Variants in ABR observed in about 807,000 individuals in gnomAD.
The protein encoded by ABR is active breakpoint cluster region-related protein.
ABR carries 35 observed loss-of-function variants against 107.2 expected under a neutral mutation model. That is an observed-to-expected ratio of 0.33 (90% CI 0.25 to 0.43). ABR has a LOEUF of 0.43. ABR is among the 20% of genes least tolerant of loss of function. ABR has a pLI of 1.00. For synonymous variants in ABR, 498 were observed against 462.0 expected, an observed-to-expected ratio of 1.08 and a Z score of -1.00; for missense variants, 815 against 1,115.2, an observed-to-expected ratio of 0.73 and a Z score of 3.83.
At chr17:1,036,374 G>A (rs572524043) in intron 16 of ABR, among the ~76,000 whole-genome samples, 27 of 152,294 alleles carry the variant, frequency 1.8e-4, no homozygotes, top group Admixed American at 1.6e-3. Context: ...TGTGGCTCAG[G>A]TCTGCCAAGA....
chr17:1,098,569 A>G (rs2037645868), intron 3 of ABR, among the ~76,000 whole-genome samples: 1 of 152,158 alleles, frequency 6.6e-6, no homozygotes, highest in Admixed American at 6.5e-5. Flanking sequence ...TTCACAACCC[A>G]CTGTACTGAT....
intron 1 of ABR, among the ~76,000 whole-genome samples, chr17:1,202,889 C>CTTT (rs11403936): frequency 0.24 from 34,802 of 144,830 alleles, 5,003 homozygotes; most frequent in Non-Finnish European, 0.32. Context: ...TTTGCCATTA[C>CTTT]TTTTTTTTTT....
chr17:1,052,272 T>C (rs7220091), intron 14 of ABR, among the ~76,000 whole-genome samples: 102,926 of 150,540 alleles, frequency 0.68, 35,591 homozygotes, highest in East Asian at 0.84. Context: ...GCCTGTGTGT[T>C]TGAGACGGGC....
intron 16 of ABR, among the ~76,000 whole-genome samples, chr17:1,042,176 GGACA>G (rs10531340): frequency 0.19 from 28,547 of 152,052 alleles, 2,871 homozygotes; most frequent in Middle Eastern, 0.29. Flanking sequence ...ATGGACGGAC[GGACA>G]GACGGATAAA....
rs565050148 is a variant in ABR, at chr17:1,173,376, C to A, written c.61+6291G>T. On this transcript the variant is annotated intron_variant, in intron 1 of 22. Coordinates refer to ENST00000302538, the MANE Select transcript of ABR (RefSeq NM_021962.5). ...CTCAACACATCACCTCAGCCCACCC[C>A]CCACACATCACCAACACCCGCCACC... Among the ~76,000 whole-genome samples, 9 of 142,360 alleles carry A rather than the reference C, an allele frequency of 6.3e-5. No homozygotes were observed. The South Asian group carries it at 6.7e-4, about 11-fold the overall frequency. The allele number at this position is 142,360 out of a possible 152,430, so 93.4% of individuals were successfully genotyped here.
At chr17:1,031,542 AG>A in intron 16 of ABR, 2 of 99,052 alleles carry the variant, frequency 2.0e-5, no homozygotes, top group Non-Finnish European at 4.0e-5. Context: ...CAGCCCCCCG[AG>A]CCCCGCAGCG....
At chr17:1,198,439 G>A (rs1011654107) in intron 1 of ABR, among the ~76,000 whole-genome samples, 1 of 151,450 alleles carries the variant, frequency 6.6e-6, no homozygotes, top group African/African-American at 2.4e-5. Flanking sequence ...GCCTGATTCT[G>A]CAATCAAAGC....
chr17:1,094,398 TCTCA>T (rs1262949541), intron 3 of ABR, among the ~76,000 whole-genome samples: 1 of 145,480 alleles, frequency 6.9e-6, no homozygotes, highest in Non-Finnish European at 1.5e-5. Context: ...TGAGACAGAG[TCTCA>T]CTCTGTCACC....
At chr17:1,059,650 C>T (rs1054706434) in intron 10 of ABR, among the ~76,000 whole-genome samples, 2 of 152,178 alleles carry the variant, frequency 1.3e-5, no homozygotes, top group Non-Finnish European at 2.9e-5. Context: ...TCATCCTCTG[C>T]GGGCAGAGCC....
intron 1 of ABR, among the ~76,000 whole-genome samples, chr17:1,197,299 C>T (rs2042588788): frequency 6.6e-6 from 1 of 151,678 alleles, no homozygotes; most frequent in African/African-American, 2.4e-5. Flanking sequence ...CTGGAGCCAC[C>T]TCCACTTAAT....
chr17:1,075,620 A>G (rs2035636711), intron 6 of ABR, among the ~76,000 whole-genome samples: 3 of 152,142 alleles, frequency 2.0e-5, no homozygotes, highest in Non-Finnish European at 4.4e-5. Context: ...CTCAACCCAA[A>G]TCTCTGCAAG....
At chr17:1,149,107 G>T (rs966156788) in intron 1 of ABR, among the ~76,000 whole-genome samples, 1 of 152,016 alleles carries the variant, frequency 6.6e-6, no homozygotes, top group Non-Finnish European at 1.5e-5. Context: ...GTTTCACCGT[G>T]TTAGCCGGGA....
At chr17:1,098,385 C>T (rs2037628230) in intron 3 of ABR, among the ~76,000 whole-genome samples, 1 of 152,104 alleles carries the variant, frequency 6.6e-6, no homozygotes, top group Non-Finnish European at 1.5e-5. Flanking sequence ...CCAAAGCCAG[C>T]AGTTTTCAAA....
chr17:1,014,542 A>G (rs1369014670), intron 16 of ABR, among the ~76,000 whole-genome samples: 1 of 151,792 alleles, frequency 6.6e-6, no homozygotes, highest in Non-Finnish European at 1.5e-5. Context: ...CTCAAAATTC[A>G]ATATTAAGAA....
intron 16 of ABR, among the ~76,000 whole-genome samples, chr17:1,034,523 G>T (rs1031987897): frequency 6.6e-6 from 1 of 152,164 alleles, no homozygotes. Flanking sequence ...AAAATGCCAC[G>T]AACATCGAGA....
Position 1,084,806 on chromosome 17 carries a change from CCT to C in ABR, c.532-1181_532-1180del, listed in dbSNP as rs1491187098. 2.0e-5 allele frequency among the ~76,000 whole-genome samples: 3 copies of C among 152,076 alleles called. No homozygotes were observed. The highest frequency in any genetic ancestry group is 1.3e-4 in the Admixed American group (2 of 15,270). On this transcript the variant is annotated intron_variant, in intron 4 of 22. Transcript: ENST00000302538. The surrounding 1 kb of genome is among the most constrained non-coding windows in gnomAD (Gnocchi z 4.2). ...CAAGCATATGGGGAAATTTAAACTC[CCT>C]GTTTTTGTTTTTGTTTTGAGATGGA...
At chr17:1,032,513 CA>C (rs2072882905) in intron 16 of ABR, among the ~76,000 whole-genome samples, 1 of 152,034 alleles carries the variant, frequency 6.6e-6, no homozygotes, top group African/African-American at 2.4e-5. Context: ...TGCACCTCAC[CA>C]AAAAAGGTTT....
intron 1 of ABR, among the ~76,000 whole-genome samples, chr17:1,165,576 G>A (rs1303819645): frequency 6.6e-6 from 1 of 152,204 alleles, no homozygotes; most frequent in Non-Finnish European, 1.5e-5. Flanking sequence ...TTGTTGCCCA[G>A]GCTGGAGTGC....
chr17:1,097,424 C>G (rs1302058783), intron 3 of ABR, among the ~76,000 whole-genome samples: 2 of 151,944 alleles, frequency 1.3e-5, no homozygotes, highest in Non-Finnish European at 2.9e-5. Flanking sequence ...AATCTCATCT[C>G]TACTAAAAAT....
Sources: gnomAD v4.1 joint callset for allele counts (sites outside exome capture counted in the v4.1 genomes callset) on GRCh38, gnomAD v4.1.1 for gene constraint, Gnocchi (gnomAD v3.1) non-coding constraint, MANE v1.5 for transcripts, NCBI Gene and HGNC (gene_info 2026-07-23, HGNC 2026-07-21) for gene names.